Variants in SLC35D2 observed in about 807,000 individuals in gnomAD.
SLC35D2 encodes the protein solute carrier family 35 member D2, also known as nucleotide sugar transporter SLC35D2.
In SLC35D2, 43 loss-of-function variants were observed where a neutral mutation model predicts 41.8. That is an observed-to-expected ratio of 1.03 (90% CI 0.81 to 1.33). The LOEUF is 1.33. Ranked by LOEUF, SLC35D2 falls within the 40% of genes most tolerant of loss-of-function variation. SLC35D2 has a pLI of 0.00. For missense variants in SLC35D2, 380 were observed against 408.4 expected, an observed-to-expected ratio of 0.93 and a Z score of 0.60; for synonymous variants, 150 against 163.9, an observed-to-expected ratio of 0.92 and a Z score of 0.65.
intron 5 of SLC35D2, 110 bp downstream of exon 5, chr9:96,351,928 C>A (rs1829829005): frequency 1.6e-6 from 1 of 612,556 alleles, no homozygotes; most frequent in Admixed American, 2.8e-5. Flanking sequence ...AATGAATAAA[C>A]CATTTGTCCT....
At chr9:96,362,959 T>C (rs1830336653) in intron 3 of SLC35D2, among the ~76,000 whole-genome samples, 1 of 151,242 alleles carries the variant, frequency 6.6e-6, no homozygotes, top group Non-Finnish European at 1.5e-5. Flanking sequence ...CTCTGCCTCC[T>C]GGGTTCAATC....
chr9:96,358,888 G>A (rs911465388), intron 4 of SLC35D2, among the ~76,000 whole-genome samples: 1 of 152,036 alleles, frequency 6.6e-6, no homozygotes, highest in Admixed American at 6.6e-5. Context: ...TTGGGAGGCA[G>A]GAGAATCGCT....
chr9:96,359,785 C>T (rs1340636948), intron 4 of SLC35D2, among the ~76,000 whole-genome samples: 1 of 152,056 alleles, frequency 6.6e-6, no homozygotes, highest in Non-Finnish European at 1.5e-5. Context: ...TGCACCAAAC[C>T]TGGTCTACAC....
At chr9:96,313,782 G>A (rs1827988623) in exon 12 of SLC35D2, among the ~76,000 whole-genome samples, 1 of 152,206 alleles carries the variant, frequency 6.6e-6, no homozygotes, top group African/African-American at 2.4e-5. Context: ...TCTGGGTGCT[G>A]GACAGGGTGG....
chr9:96,365,567 C>T (rs947068248), intron 2 of SLC35D2, among the ~76,000 whole-genome samples: 1 of 151,980 alleles, frequency 6.6e-6, no homozygotes, highest in African/African-American at 2.4e-5. Context: ...CATAAAGGCA[C>T]GGGAACATTC....
downstream of SLC35D2, among the ~76,000 whole-genome samples, chr9:96,320,088 A>G (rs992030612): frequency 6.6e-6 from 1 of 152,188 alleles, no homozygotes; most frequent in African/African-American, 2.4e-5. Context: ...AAGGCACCCT[A>G]TCCATTTGGG....
At chr9:96,374,443 A>T (rs901704901) in intron 1 of SLC35D2, among the ~76,000 whole-genome samples, 1 of 151,606 alleles carries the variant, frequency 6.6e-6, no homozygotes, top group Non-Finnish European at 1.5e-5. Context: ...CTGAGGCAGG[A>T]GAATCGCTTG....
intron 8 of SLC35D2, among the ~76,000 whole-genome samples, chr9:96,338,246 A>G: frequency 6.6e-6 from 1 of 152,198 alleles, no homozygotes. Flanking sequence ...AACTCAATGT[A>G]TTTAAAATGA....
At chr9:96,336,668 G>T in intron 9 of SLC35D2, 49 bp downstream of exon 9, 1 of 1,110,180 alleles carries the variant, frequency 9.0e-7, no homozygotes, top group Non-Finnish European at 1.3e-6. Flanking sequence ...GATTTGACTT[G>T]TCAAGAGATA....
chr9:96,328,948 C>T (rs993604095), intron 9 of SLC35D2, among the ~76,000 whole-genome samples: 1 of 151,986 alleles, frequency 6.6e-6, no homozygotes, highest in African/African-American at 2.4e-5. Flanking sequence ...ATTAGCTGGG[C>T]TTGGTGGCTG....
intron 2 of SLC35D2, among the ~76,000 whole-genome samples, chr9:96,365,256 A>AG (rs1247289211): frequency 4.6e-5 from 7 of 152,100 alleles, no homozygotes; most frequent in Middle Eastern, 3.4e-3. Context: ...ATACCGAGGT[A>AG]GGAGGACCAC....
chr9:96,357,262 T>A (rs1427642081), intron 4 of SLC35D2: 1 of 152,218 alleles, frequency 6.6e-6, no homozygotes, highest in Non-Finnish European at 1.5e-5. Flanking sequence ...CTACCAGGGT[T>A]CCAAGACAAT....
At position 96,363,982 on chromosome 9, in the gene SLC35D2, G is replaced by A. The variant is rs181750770; in HGVS notation, c.279+482C>T. ...GCACATACTTTTACTACTACTTACT[G>A]CATTACATAAATGGACAACTAAATG... On this transcript the variant is annotated intron_variant, in intron 3 of 11. Coordinates refer to ENST00000253270, the MANE Select transcript of SLC35D2 (RefSeq NM_007001.3). Among the ~76,000 whole-genome samples the A allele has an allele frequency of 4.6e-5, 7 of 152,214 alleles. No homozygotes were observed. In the East Asian group the frequency reaches 1.3e-3, roughly 29 times the overall value.
At chr9:96,368,442 T>C in intron 1 of SLC35D2, 137 bp from the exon 2 acceptor site, 1 of 670,100 alleles carries the variant, frequency 1.5e-6, no homozygotes, top group Non-Finnish European at 2.4e-6. Context: ...ATTTAATTCT[T>C]TTTTTTTTTT....
chr9:96,355,542 G>T (rs1829990727), intron 4 of SLC35D2, among the ~76,000 whole-genome samples: 1 of 151,888 alleles, frequency 6.6e-6, no homozygotes, highest in African/African-American at 2.4e-5. Flanking sequence ...CGTCGCCCAG[G>T]CTGGAGTGCA....
chr9:96,344,543 A>G (rs917867264), intron 7 of SLC35D2, among the ~76,000 whole-genome samples: 30 of 89,900 alleles, frequency 3.3e-4, no homozygotes, highest in East Asian at 1.8e-3. Flanking sequence ...CATGCAGGGG[A>G]AAAAAAAAAA....
intron 4 of SLC35D2, among the ~76,000 whole-genome samples, chr9:96,358,071 TTATATATTTTATATATATATATA>T (rs1830102066): frequency 8.3e-6 from 1 of 120,854 alleles, no homozygotes; most frequent in African/African-American, 3.2e-5. Context: ...AAACAAAATA[TTATATATTTTATATATATATATA>T]TATATATATA....
intron 3 of SLC35D2, 39 bp from the exon 4 acceptor site, chr9:96,360,260 C>T (rs769888916): frequency 8.9e-6 from 13 of 1,454,560 alleles, no homozygotes; most frequent in Non-Finnish European, 1.2e-5. Context: ...TTGGTTAGAA[C>T]TCCAATAAGC....
At chr9:96,368,801 A>C (rs932483042) in intron 1 of SLC35D2, among the ~76,000 whole-genome samples, 2 of 150,530 alleles carry the variant, frequency 1.3e-5, no homozygotes, top group Admixed American at 6.7e-5. Context: ...GTCTCACTCT[A>C]TCACGCAGGC....
Sources: gnomAD v4.1 joint callset for allele counts (sites outside exome capture counted in the v4.1 genomes callset) on GRCh38, gnomAD v4.1.1 for gene constraint, MANE v1.5 for transcripts, NCBI Gene and HGNC (gene_info 2026-07-23, HGNC 2026-07-21) for gene names.